NEU3: variants seen among roughly 807,000 people sequenced by gnomAD.
NEU3 encodes the protein sialidase-3.
Under a neutral mutation model 11.4 loss-of-function variants are expected in NEU3, and 10 were observed. The observed-to-expected ratio is 0.88, with a 90% CI of 0.54 to 1.49. NEU3 has a LOEUF of 1.49. Ranked by LOEUF, NEU3 falls within the 40% of genes most tolerant of loss-of-function variation. The probability of loss-of-function intolerance (pLI) is 0.00; values close to 1 mark genes in which losing one functional copy is unlikely to be tolerated. For missense variants in NEU3, 529 were observed against 581.8 expected (o/e 0.91, Z 0.93); for synonymous variants, 212 against 228.2 (o/e 0.93, Z 0.64).
intron 2 of NEU3, among the ~76,000 whole-genome samples, chr11:75,002,793 T>C (rs899795405): frequency 5.9e-5 from 9 of 152,242 alleles, no homozygotes; most frequent in Non-Finnish European, 1.3e-4. Flanking sequence ...AGTTGATTTA[T>C]AGCCCTAGAG....
downstream of NEU3, among the ~76,000 whole-genome samples, chr11:75,015,762 A>G (rs1033426852): frequency 2.6e-5 from 4 of 152,212 alleles, no homozygotes; most frequent in African/African-American, 9.6e-5. Context: ...ATCAAGCTTC[A>G]CTTCCCAAAC....
chr11:74,982,677 C>G, the NEU3 span, among the ~76,000 whole-genome samples: 1 of 152,108 alleles, frequency 6.6e-6, no homozygotes, highest in African/African-American at 2.4e-5. Context: ...ACAGGGAAAT[C>G]TGCACATAGA....
intron 2 of NEU3, among the ~76,000 whole-genome samples, chr11:74,996,559 T>G (rs1948792342): frequency 6.6e-6 from 1 of 152,164 alleles, no homozygotes; most frequent in South Asian, 2.1e-4. Flanking sequence ...TTTGAACCCC[T>G]CAAAATCATG....
chr11:74,994,426 A>G (rs778990764), intron 1 of NEU3, 83 bp from the exon 2 acceptor site: 71 of 1,111,412 alleles, frequency 6.4e-5, no homozygotes, highest in Non-Finnish European at 7.6e-5. Flanking sequence ...TTTGCTCTCC[A>G]GAAGTGAAAT....
At position 74,989,058 on chromosome 11, in the gene NEU3, C is replaced by A; in HGVS notation, c.-3C>A. 6.5e-7 allele frequency: 1 copy of A among 1,549,790 alleles called. No individual in the cohort carries two copies. Among genetic ancestry groups the A allele is most frequent in the African/African-American group, 1.4e-5 (1 of 73,074 alleles). ...GGCCGGTGCCTCTTCCGGGCTTCGG[C>A]GAATGAGACCTGCGGACCTGCCCCC... On this transcript the variant is annotated 5_prime_UTR_variant, in exon 1 of 3. Transcript: ENST00000294064.
upstream of NEU3, among the ~76,000 whole-genome samples, chr11:74,986,043 A>G (rs368058312): frequency 6.6e-6 from 1 of 152,212 alleles, no homozygotes; most frequent in African/African-American, 2.4e-5. Context: ...AGGCCTTCCT[A>G]AGGATAACCT....
chr11:75,012,892 T>C (rs1178228297), downstream of NEU3, among the ~76,000 whole-genome samples: 1 of 152,242 alleles, frequency 6.6e-6, no homozygotes, highest in Non-Finnish European at 1.5e-5. Flanking sequence ...ACATCTTAAG[T>C]GAGGCAACAC....
downstream of NEU3, among the ~76,000 whole-genome samples, chr11:75,019,129 T>C (rs1366053034): frequency 2.6e-5 from 4 of 152,342 alleles, no homozygotes; most frequent in East Asian, 3.9e-4. Context: ...GTTAAAGGCA[T>C]TCAATTTTAT....
chr11:74,986,689 G>C (rs1217656129), upstream of NEU3, among the ~76,000 whole-genome samples: 4 of 152,104 alleles, frequency 2.6e-5, no homozygotes, highest in South Asian at 4.2e-4. Context: ...TTGCCAGAGG[G>C]TTTGTCCGGT....
At chr11:74,989,284 A>T in intron 1 of NEU3, 130 bp downstream of exon 1, 1 of 720,050 alleles carries the variant, frequency 1.4e-6, no homozygotes, top group Non-Finnish European at 2.3e-6. Flanking sequence ...GTCGGCTAGG[A>T]TCTGACCTGG....
intron 2 of NEU3, among the ~76,000 whole-genome samples, chr11:74,997,859 T>C (rs1948806985): frequency 9.0e-5 from 1 of 11,168 alleles, no homozygotes; most frequent in African/African-American, 9.1e-4. Context: ...GGAGACTCTG[T>C]TTCAAAAAAA....
intron 2 of NEU3, among the ~76,000 whole-genome samples, chr11:75,000,621 A>G (rs997716704): frequency 4.0e-5 from 6 of 149,710 alleles, no homozygotes; most frequent in African/African-American, 1.5e-4. Flanking sequence ...TTTTGTTTAT[A>G]CATTTTTTTT....
In NEU3 at chr11:75,004,537, A is replaced by C. The variant is rs1948878983; in HGVS notation, c.307-876A>C. The C allele has an allele frequency of 8.9e-6, 4 of 450,120 alleles. No individual in the cohort carries two copies. The Admixed American group carries it at 1.6e-4, about 18-fold the overall frequency. The allele number at this position is 450,120 out of a possible 1,614,324, so 27.9% of individuals were successfully genotyped here. ...CCTGGAAATTTTCTTACCAATTTCT[A>C]CTATTGTTTTGAAAATATGTTAGGG... On this transcript the variant is annotated intron_variant, in intron 2 of 2. Coordinates refer to ENST00000294064, the MANE Select transcript of NEU3 (RefSeq NM_006656.6).
At chr11:74,986,287 G>T (rs1948664951), upstream of NEU3, among the ~76,000 whole-genome samples, 1 of 152,140 alleles carries the variant, frequency 6.6e-6, no homozygotes, top group African/African-American at 2.4e-5. Flanking sequence ...GAGCATTCTT[G>T]TATGGACACA....
upstream of NEU3, among the ~76,000 whole-genome samples, chr11:74,985,014 A>G (rs1275666604): frequency 1.3e-5 from 2 of 152,158 alleles, no homozygotes; most frequent in Non-Finnish European, 2.9e-5. Flanking sequence ...AGGATTCTCT[A>G]CCTCTAAATA....
chr11:75,005,900 C>G lies in NEU3; in HGVS notation c.794C>G (p.Thr265Ser). ...VTVECEVAEV[T>S]GRAGHPVLYC... The stretch of plus-strand genomic sequence containing the variant: ...GTAGAATGTGAAGTGGCAGAGGTGA[C>G]TGGGAGGGCTGGCCACCCTGTGCTA... Residue 265 changes from threonine (T) to serine (S), a missense_variant, in exon 3 of 3, where the codon ACT becomes AGT. Transcript: ENST00000294064. 1 of 1,613,636 alleles carries G rather than the reference C, an allele frequency of 6.2e-7. No homozygotes were observed. Among genetic ancestry groups the G allele is most frequent in the Non-Finnish European group, 8.5e-7 (1 of 1,179,862 alleles).
chr11:75,020,300 T>G (rs1405688517), downstream of NEU3, among the ~76,000 whole-genome samples: 1 of 152,098 alleles, frequency 6.6e-6, no homozygotes, highest in African/African-American at 2.4e-5. Flanking sequence ...AGTTAAGACT[T>G]TGAGGGACTG....
chr11:75,013,452 A>C (rs764587513), downstream of NEU3, among the ~76,000 whole-genome samples: 5 of 152,338 alleles, frequency 3.3e-5, no homozygotes, highest in Middle Eastern at 3.4e-3. Flanking sequence ...CCCACTGAGG[A>C]GGGAACTCCA....
upstream of NEU3, among the ~76,000 whole-genome samples, chr11:74,985,787 G>A (rs1008456641): frequency 1.2e-4 from 19 of 152,180 alleles, no homozygotes; most frequent in African/African-American, 4.1e-4. Context: ...GCAGCAACAC[G>A]TGTGTAATGT....
Sources: gnomAD v4.1 joint callset for allele counts (sites outside exome capture counted in the v4.1 genomes callset) on GRCh38, gnomAD v4.1.1 for gene constraint, MANE v1.5 for transcripts, NCBI Gene and HGNC (gene_info 2026-07-23, HGNC 2026-07-21) for gene names.